The following TJP1 variants were observed in gnomAD, a reference collection of about 807,000 sequenced individuals.
TJP1 encodes tight junction protein ZO-1.
TJP1 carries 43 observed loss-of-function variants against 194.2 expected under a neutral mutation model. The observed-to-expected ratio is 0.22, with a 90% CI of 0.17 to 0.29. The LOEUF (loss-of-function observed/expected upper bound fraction) is 0.29, where lower values mean the gene tolerates loss of function less well. Among genes scored for constraint, TJP1 ranks in the 10% least tolerant of loss-of-function variants. The probability of loss-of-function intolerance (pLI) is 1.00; values close to 1 mark genes in which losing one functional copy is unlikely to be tolerated. For synonymous variants in TJP1, 801 were observed against 779.0 expected, an observed-to-expected ratio of 1.03 and a Z score of -0.47; for missense variants, 1,971 against 2,185.7, an observed-to-expected ratio of 0.90 and a Z score of 1.96.
chr15:29,833,120 T>A (rs2050888794), intron 2 of TJP1, among the ~76,000 whole-genome samples: 1 of 152,180 alleles, frequency 6.6e-6, no homozygotes, highest in African/African-American at 2.4e-5. Context: ...GAGGGAATAT[T>A]TAGAGTGCCA....
chr15:29,782,699 T>A (rs891109647), intron 2 of TJP1, among the ~76,000 whole-genome samples: 1 of 151,878 alleles, frequency 6.6e-6, no homozygotes, highest in Non-Finnish European at 1.5e-5. Flanking sequence ...ACAAATGGAA[T>A]CTAATTAAAC....
At chr15:29,922,128 T>C (rs919694471) in intron 2 of TJP1, among the ~76,000 whole-genome samples, 1 of 152,164 alleles carries the variant, frequency 6.6e-6, no homozygotes, top group Non-Finnish European at 1.5e-5. Flanking sequence ...ATTACAGGTG[T>C]GAGCCACCGC....
intron 1 of TJP1, among the ~76,000 whole-genome samples, chr15:29,812,938 T>C (rs2049630716): frequency 6.6e-6 from 1 of 152,102 alleles, no homozygotes; most frequent in Admixed American, 6.5e-5. Context: ...AGCATCAAAA[T>C]AGTGTACTTC....
intron 2 of TJP1, among the ~76,000 whole-genome samples, chr15:29,882,213 C>T (rs933706548): frequency 6.6e-6 from 1 of 152,074 alleles, no homozygotes; most frequent in Non-Finnish European, 1.5e-5. Flanking sequence ...GCACACTTAC[C>T]CCACTAGCAA....
chr15:29,850,617 G>A (rs569292969), intron 2 of TJP1, among the ~76,000 whole-genome samples: 2 of 152,080 alleles, frequency 1.3e-5, no homozygotes, highest in South Asian at 2.1e-4. Context: ...TTACAGGCAT[G>A]AGCCACCGCG....
chr15:29,968,693 G>T (rs1186191763), exon 1 of TJP1: 5 of 1,149,876 alleles, frequency 4.3e-6, no homozygotes, highest in East Asian at 2.0e-4. Context: ...GCGGCAGGAG[G>T]CTGCCGCGGT....
At chr15:29,759,256 A>G (rs1366472532) in intron 8 of TJP1, 1 of 152,140 alleles carries the variant, frequency 6.6e-6, no homozygotes, top group African/African-American at 2.4e-5. Context: ...TAACACCTCT[A>G]TGCAAGTTAA....
At chr15:29,722,584 G>C (rs2042997180) in intron 18 of TJP1, among the ~76,000 whole-genome samples, 3 of 152,196 alleles carry the variant, frequency 2.0e-5, no homozygotes. Flanking sequence ...GCACCTCCAG[G>C]GCAGTGTGGA....
At chr15:29,847,985 T>C (rs2051482998) in intron 2 of TJP1, among the ~76,000 whole-genome samples, 1 of 152,194 alleles carries the variant, frequency 6.6e-6, no homozygotes, top group Non-Finnish European at 1.5e-5. Context: ...TTTAGAAGTG[T>C]TGTTTTATTT....
intron 2 of TJP1, among the ~76,000 whole-genome samples, chr15:29,847,988 T>C (rs1406677756): frequency 1.3e-5 from 2 of 152,182 alleles, no homozygotes; most frequent in African/African-American, 4.8e-5. Context: ...AGAAGTGTTG[T>C]TTTATTTCCA....
intron 10 of TJP1, among the ~76,000 whole-genome samples, chr15:29,738,645 C>A (rs2044191447): frequency 6.6e-6 from 1 of 151,968 alleles, no homozygotes; most frequent in Non-Finnish European, 1.5e-5. Context: ...GTAGTGGTAT[C>A]CTAGCCAGGT....
intron 8 of TJP1, among the ~76,000 whole-genome samples, chr15:29,751,147 A>G (rs1417418455): frequency 6.6e-6 from 1 of 152,220 alleles, no homozygotes; most frequent in Non-Finnish European, 1.5e-5. Flanking sequence ...CTGGTACCCA[A>G]AGAATTCTGG....
intron 2 of TJP1, among the ~76,000 whole-genome samples, chr15:29,955,821 T>C (rs1282709991): frequency 1.4e-5 from 2 of 139,402 alleles, no homozygotes; most frequent in African/African-American, 5.4e-5. Flanking sequence ...TGAATTGGGA[T>C]CCGTACTAAT....
chr15:29,782,929 CAT>C (rs1306969990), intron 2 of TJP1, among the ~76,000 whole-genome samples: 1 of 143,280 alleles, frequency 7.0e-6, no homozygotes, highest in East Asian at 2.1e-4. Flanking sequence ...TGCCAATAAT[CAT>C]ATGAAAAAAT....
intron 2 of TJP1, among the ~76,000 whole-genome samples, chr15:29,880,202 T>C (rs1364821203): frequency 1.3e-5 from 2 of 152,228 alleles, no homozygotes; most frequent in African/African-American, 4.8e-5. Flanking sequence ...TTTTGGTGTC[T>C]AAAACTGAAG....
chr15:29,726,133 T>C (rs1161098868), intron 18 of TJP1, among the ~76,000 whole-genome samples: 4 of 152,228 alleles, frequency 2.6e-5, no homozygotes, highest in African/African-American at 9.6e-5. Context: ...CATTATAATT[T>C]AAGATTCTTT....
At chr15:29,848,323 A>C (rs907797317) in intron 2 of TJP1, among the ~76,000 whole-genome samples, 1 of 152,096 alleles carries the variant, frequency 6.6e-6, no homozygotes, top group African/African-American at 2.4e-5. Flanking sequence ...CTCAACTATA[A>C]TTGTGGGCTT....
intron 2 of TJP1, among the ~76,000 whole-genome samples, chr15:29,926,011 T>C (rs936556458): frequency 6.6e-6 from 1 of 152,154 alleles, no homozygotes; most frequent in Non-Finnish European, 1.5e-5. Flanking sequence ...CAGCAAGCCT[T>C]GGAGGGAGGG....
intron 1 of TJP1, among the ~76,000 whole-genome samples, chr15:29,804,331 C>A (rs2048981841): frequency 6.6e-6 from 1 of 152,108 alleles, no homozygotes; most frequent in Non-Finnish European, 1.5e-5. Flanking sequence ...TGAAAGTGAT[C>A]ATAATAAAAT....
Sources: gnomAD v4.1 joint callset for allele counts (sites outside exome capture counted in the v4.1 genomes callset) on GRCh38, gnomAD v4.1.1 for gene constraint, MANE v1.5 for transcripts, NCBI Gene and HGNC (gene_info 2026-07-23, HGNC 2026-07-21) for gene names.